Variants in KAT6B observed in about 807,000 individuals in gnomAD.
KAT6B encodes the protein lysine acetyltransferase 6B, also known as histone acetyltransferase KAT6B.
Under a neutral mutation model 187.5 loss-of-function variants are expected in KAT6B, and 10 were observed. The observed-to-expected ratio is 0.05, with a 90% CI of 0.03 to 0.09. The LOEUF (loss-of-function observed/expected upper bound fraction) is 0.09. Ranked by LOEUF, KAT6B falls within the 10% of genes least tolerant of loss-of-function variation. The pLI, the probability that KAT6B is intolerant of heterozygous loss-of-function variation, is 1.00. For missense variants in KAT6B, 1,952 were observed against 2,558.9 expected (o/e 0.76, Z 5.12); for synonymous variants, 861 against 926.8 (o/e 0.93, Z 1.29).
rs1179061717 is a variant in KAT6B at position 74,975,947 on chromosome 10, A to T, written c.1610A>T (p.Asn537Ile). The change falls in exon 8 of 18, where the codon AAC becomes ATC. Residue 537 changes from asparagine to isoleucine, a missense_variant. Coordinates refer to ENST00000287239, the MANE Select transcript of KAT6B (RefSeq NM_012330.4). ...CCCTCCCTGAGCAGCCTTACCACTAACAGCCAGCTGAAGGCACTCTTTGAT... is the reference window on the plus strand; with the variant it reads ...CCCTCCCTGAGCAGCCTTACCACTATCAGCCAGCTGAAGGCACTCTTTGAT... Reference protein sequence around the residue: ...SVPSLSSLTTNSQLKALFDGL... With the variant: ...SVPSLSSLTTISQLKALFDGL... 1 of 1,614,132 alleles carries T rather than the reference A, an allele frequency of 6.2e-7. No homozygotes were observed. The highest frequency in any genetic ancestry group is 2.2e-5 in the East Asian group (1 of 44,878).
At position 75,031,272 on chromosome 10, in the gene KAT6B, T is replaced by A; in HGVS notation, c.*226T>A. The A allele has an allele frequency of 1.8e-6, 1 of 551,064 alleles. No individual in the cohort carries two copies. The highest frequency in any genetic ancestry group is 3.2e-6 in the Non-Finnish European group (1 of 313,060). 34.1% of individuals were successfully genotyped at this position (551,064 alleles called of 1,614,324 possible). ...TTTTTGGTACCTTCATTTCTGTTACTTTTATATAAAATTCTCTGCAAAGGA... is the reference window on the plus strand; with the variant it reads ...TTTTTGGTACCTTCATTTCTGTTACATTTATATAAAATTCTCTGCAAAGGA... On this transcript the variant is annotated 3_prime_UTR_variant, in exon 18 of 18. Coordinates refer to ENST00000287239, the MANE Select transcript of KAT6B (RefSeq NM_012330.4).
intron 4 of KAT6B, among the ~76,000 whole-genome samples, chr10:74,961,777 C>T (rs1289179407): frequency 2.6e-5 from 4 of 152,154 alleles, no homozygotes; most frequent in Admixed American, 2.6e-4. Flanking sequence ...TTCGCTCAGA[C>T]TTTTTCAGGG....
chr10:74,968,957 A>T (rs924211017), intron 4 of KAT6B, among the ~76,000 whole-genome samples: 1 of 151,718 alleles, frequency 6.6e-6, no homozygotes, highest in African/African-American at 2.4e-5. Flanking sequence ...GTGTGCCCCA[A>T]ACAGGAAAAT....
rs1219976100 is a variant in KAT6B at position 75,028,773 on chromosome 10, G to A, written c.3949G>A (p.Ala1317Thr). 2 of 1,614,018 alleles carry A rather than the reference G, an allele frequency of 1.2e-6. No homozygotes were observed. The highest frequency in any genetic ancestry group is 1.7e-6 in the Non-Finnish European group (2 of 1,180,044). The change falls in exon 18 of 18, where the codon GCC (alanine) becomes ACC (threonine). Residue 1317 changes from alanine to threonine, a missense_variant. Coordinates refer to ENST00000287239, the MANE Select transcript of KAT6B (RefSeq NM_012330.4). ...IEEEVKETGE[A>T]LLPQEENRRE... ...GGAGGAGGTCAAGGAAACTGGGGAAGCCCTGTTGCCTCAAGAGGAAAACAG... is the reference window on the plus strand; with the variant it reads ...GGAGGAGGTCAAGGAAACTGGGGAAACCCTGTTGCCTCAAGAGGAAAACAG...
At chr10:75,026,188 C>T (rs548555563) in intron 17 of KAT6B, 42 of 150,042 alleles carry the variant, frequency 2.8e-4, no homozygotes, top group African/African-American at 1.0e-3. Flanking sequence ...CTTACCCACA[C>T]ATCAATATTA....
At chr10:74,969,093 C>A (rs774559695) in intron 4 of KAT6B, among the ~76,000 whole-genome samples, 4 of 152,106 alleles carry the variant, frequency 2.6e-5, no homozygotes, top group Non-Finnish European at 4.4e-5. Context: ...CTCAGTGACC[C>A]AGGGGCAAGA....
rs866479286 is a variant in KAT6B, at chr10:75,028,873, C to A, written c.4049C>A (p.Pro1350His). The A allele has an allele frequency of 6.2e-7, 1 of 1,612,262 alleles. No individual in the cohort carries two copies. The highest frequency in any genetic ancestry group is 1.1e-5 in the South Asian group (1 of 91,002). Residue 1350 changes from proline (P) to histidine (H), a missense_variant, in exon 18 of 18, where the codon CCT becomes CAT. By Grantham distance (77) the Pro-to-His change is moderately conservative. Coordinates refer to ENST00000287239, the MANE Select transcript of KAT6B (RefSeq NM_012330.4). Reference protein sequence around the residue: ...GEKPEDDLIKPEEEEEEEEEE... With the variant: ...GEKPEDDLIKHEEEEEEEEEE... ...AAACCAGAAGATGATCTCATCAAAC[C>A]TGAGGAAGAGGAAGAGGAGGAGGAG...
intron 3 of KAT6B, among the ~76,000 whole-genome samples, chr10:74,913,228 C>A (rs1847377082): frequency 1.3e-5 from 2 of 152,130 alleles, no homozygotes; most frequent in African/African-American, 2.4e-5. Context: ...TTTTGAAACA[C>A]CATGGTCCCC....
intron 3 of KAT6B, among the ~76,000 whole-genome samples, chr10:74,912,309 T>C (rs1158302703): frequency 6.6e-6 from 1 of 152,080 alleles, no homozygotes; most frequent in Non-Finnish European, 1.5e-5. Context: ...TGTATGTATG[T>C]ATGTATGTAT....
chr10:74,833,134 CAAAAAA>C (rs905808106), intron 1 of KAT6B, among the ~76,000 whole-genome samples: 2 of 52,320 alleles, frequency 3.8e-5, no homozygotes, highest in Non-Finnish European at 7.4e-5. Flanking sequence ...GACTCTGTCT[CAAAAAA>C]AAAAAAAAAA....
At chr10:74,852,896 T>C (rs952394035) in intron 3 of KAT6B, among the ~76,000 whole-genome samples, 1 of 152,220 alleles carries the variant, frequency 6.6e-6, no homozygotes, top group Non-Finnish European at 1.5e-5. Flanking sequence ...TGTGATACTT[T>C]CAGTGCTAAG....
intron 13 of KAT6B, among the ~76,000 whole-genome samples, chr10:75,010,130 G>C (rs763468528): frequency 2.6e-5 from 4 of 152,228 alleles, no homozygotes; most frequent in Non-Finnish European, 5.9e-5. Flanking sequence ...TTCAGAGGGG[G>C]CTCAGCAATA....
At position 75,022,058 on chromosome 10, in the gene KAT6B, G is replaced by C. The variant is rs760921480; in HGVS notation, c.3199G>C (p.Glu1067Gln). Residue 1067 changes from glutamate (E) to glutamine (Q), a missense_variant, in exon 16 of 18, where the codon GAG (glutamate) becomes CAG (glutamine). Coordinates refer to ENST00000287239, the MANE Select transcript of KAT6B (RefSeq NM_012330.4). ...ERGQLLELSK[E>Q]SSEEEEEEED... ...AGGGCAGCTGCTGGAGCTGTCTAAAGAGAGCAGTGAAGAAGAAGAGGAGGA... is the reference window on the plus strand; with the variant it reads ...AGGGCAGCTGCTGGAGCTGTCTAAACAGAGCAGTGAAGAAGAAGAGGAGGA... The C allele has an allele frequency of 1.2e-6, 2 of 1,613,906 alleles. No individual in the cohort carries two copies. Among genetic ancestry groups the C allele is most frequent in the South Asian group, 1.1e-5 (1 of 91,064 alleles).
At position 75,032,017 on chromosome 10, in the gene KAT6B, T is replaced by A. The variant is rs1425941313; in HGVS notation, c.*971T>A. The A allele has an allele frequency of 1.5e-5, 3 of 194,178 alleles. No individual in the cohort carries two copies. The highest frequency in any genetic ancestry group is 7.0e-5 in the African/African-American group (3 of 43,144). The allele number at this position is 194,178 out of a possible 1,614,324, so 12.0% of individuals were successfully genotyped here. On this transcript the variant is annotated 3_prime_UTR_variant, in exon 18 of 18. Coordinates refer to ENST00000287239, the MANE Select transcript of KAT6B (RefSeq NM_012330.4). ...TTTTAAGGAAAAATAGAAAAGTAGC[T>A]TGTGAATAGCTCAAACTAAGCTTAC...
At position 75,021,906 on chromosome 10, in the gene KAT6B, G is replaced by C; in HGVS notation, c.3047G>C (p.Ser1016Thr). ...GCTGAGCGGCTAATGGAACAAGCTAGCTGCTGGGAGAAGGAGGAACAAGAA... is the reference window on the plus strand; with the variant it reads ...GCTGAGCGGCTAATGGAACAAGCTACCTGCTGGGAGAAGGAGGAACAAGAA... ...KEAERLMEQA[S>T]CWEKEEQEIL... Residue 1016 changes from serine (S) to threonine (T), a missense_variant, in exon 16 of 18, where the codon AGC (serine) becomes ACC (threonine). Ser to Thr is a moderately conservative substitution (Grantham distance 58). Transcript: ENST00000287239. 1 of 1,614,190 alleles carries C rather than the reference G, an allele frequency of 6.2e-7. No homozygotes were observed. The highest frequency in any genetic ancestry group is 8.5e-7 in the Non-Finnish European group (1 of 1,180,038).
intron 3 of KAT6B, among the ~76,000 whole-genome samples, chr10:74,899,386 G>C (rs1846229566): frequency 6.6e-6 from 1 of 151,204 alleles, no homozygotes; most frequent in Non-Finnish European, 1.5e-5. Flanking sequence ...GGATTCTCCT[G>C]CCTCACCCTC....
At chr10:74,916,428 T>C (rs1450718788) in intron 3 of KAT6B, among the ~76,000 whole-genome samples, 2 of 152,228 alleles carry the variant, frequency 1.3e-5, no homozygotes, top group East Asian at 3.8e-4. Flanking sequence ...ATACAGTGCC[T>C]TCTGTAGAGC....
At chr10:74,902,281 C>G (rs1846458566) in intron 3 of KAT6B, among the ~76,000 whole-genome samples, 1 of 152,142 alleles carries the variant, frequency 6.6e-6, no homozygotes, top group Non-Finnish European at 1.5e-5. Context: ...GTTCACGTTC[C>G]AGTTAGCTGG....
At chr10:74,962,277 T>C (rs1841150957) in intron 4 of KAT6B, among the ~76,000 whole-genome samples, 1 of 152,162 alleles carries the variant, frequency 6.6e-6, no homozygotes, top group South Asian at 2.1e-4. Context: ...TTAGGGAGTT[T>C]GGGGGTTCTT....
Sources: allele counts gnomAD v4.1 joint callset (sites outside exome capture counted in the v4.1 genomes callset), GRCh38; gene constraint gnomAD v4.1.1; transcripts MANE v1.5; gene names NCBI Gene and HGNC (gene_info 2026-07-23, HGNC 2026-07-21).